SGCZ: variants seen among roughly 807,000 people sequenced by gnomAD.
SGCZ encodes the protein zeta-sarcoglycan.
In SGCZ, 40 loss-of-function variants were observed where a neutral mutation model predicts 41.3. That is an observed-to-expected ratio of 0.97 (90% confidence interval 0.75 to 1.26). The LOEUF (loss-of-function observed/expected upper bound fraction) is 1.26, where lower values mean the gene tolerates loss of function less well. Among genes scored for constraint, SGCZ ranks in the 50% most tolerant of loss-of-function variants. SGCZ has a pLI of 0.00. For missense variants in SGCZ, 552 were observed against 369.8 expected (o/e 1.49, Z -4.04); for synonymous variants, 206 against 137.5 (o/e 1.50, Z -3.49).
chr8:14,928,276 C>T (rs1799820664), intron 1 of SGCZ, among the ~76,000 whole-genome samples: 3 of 152,106 alleles, frequency 2.0e-5, no homozygotes, highest in African/African-American at 7.2e-5. Flanking sequence ...TAGTTATGAT[C>T]ATACGCCATG....
intron 1 of SGCZ, among the ~76,000 whole-genome samples, chr8:14,697,988 G>C (rs1362973203): frequency 1.3e-5 from 2 of 151,870 alleles, no homozygotes; most frequent in Non-Finnish European, 2.9e-5. Flanking sequence ...TGAACGTTTA[G>C]TCTGCTTCCA....
chr8:15,237,504 G>T (rs924885349), intron 1 of SGCZ, 81 bp downstream of exon 1: 4 of 1,502,840 alleles, frequency 2.7e-6, no homozygotes, highest in East Asian at 4.8e-5. Flanking sequence ...ACTCCGCGCC[G>T]CTGGAGGAGC....
chr8:14,128,264 A>G (rs2117051061), intron 5 of SGCZ, among the ~76,000 whole-genome samples: 1 of 152,352 alleles, frequency 6.6e-6, no homozygotes, highest in South Asian at 2.1e-4. Context: ...AGCCATTTGA[A>G]AACCATTTTT....
At chr8:14,196,210 TG>T (rs1805262018) in intron 4 of SGCZ, among the ~76,000 whole-genome samples, 2 of 151,836 alleles carry the variant, frequency 1.3e-5, no homozygotes, top group Admixed American at 1.3e-4. Flanking sequence ...AGTAAAATAA[TG>T]AAGCAACTAA....
At chr8:14,402,849 G>A (rs1039334138) in intron 2 of SGCZ, among the ~76,000 whole-genome samples, 29 of 149,426 alleles carry the variant, frequency 1.9e-4, no homozygotes, top group Non-Finnish European at 4.0e-4. Context: ...GCTTGATGGG[G>A]ATGGCATTGA....
At chr8:14,180,333 G>A (rs1431117966) in intron 4 of SGCZ, among the ~76,000 whole-genome samples, 1 of 152,122 alleles carries the variant, frequency 6.6e-6, no homozygotes, top group African/African-American at 2.4e-5. Context: ...TTCAAGCACT[G>A]CAGGAAGTGC....
At chr8:14,891,496 G>A (rs1805018474) in intron 1 of SGCZ, among the ~76,000 whole-genome samples, 1 of 152,136 alleles carries the variant, frequency 6.6e-6, no homozygotes, top group South Asian at 2.1e-4. Flanking sequence ...AAAACATTAG[G>A]ATAATGAGTT....
intron 4 of SGCZ, among the ~76,000 whole-genome samples, chr8:14,186,260 G>A (rs1468131186): frequency 3.9e-5 from 6 of 152,228 alleles, no homozygotes; most frequent in African/African-American, 7.2e-5. Context: ...CATGCAGCAA[G>A]TGAAGAAATA....
chr8:14,706,400 A>G (rs1196421487), intron 1 of SGCZ, among the ~76,000 whole-genome samples: 1 of 152,086 alleles, frequency 6.6e-6, no homozygotes, highest in Non-Finnish European at 1.5e-5. Flanking sequence ...ATTCAATTTC[A>G]CTTAAGGATG....
chr8:15,166,706 ATT>A (rs1260870222), intron 1 of SGCZ, among the ~76,000 whole-genome samples: 1 of 152,220 alleles, frequency 6.6e-6, no homozygotes, highest in East Asian at 1.9e-4. Flanking sequence ...AACCAAACTT[ATT>A]TGTCAATTGT....
intron 5 of SGCZ, among the ~76,000 whole-genome samples, chr8:14,161,794 T>G (rs766776973): frequency 1.6e-4 from 24 of 152,058 alleles, no homozygotes; most frequent in Non-Finnish European, 2.4e-4. Flanking sequence ...GTGCATATAT[T>G]TGAGACAGAG....
chr8:14,328,102 A>G (rs1049104293), intron 2 of SGCZ, among the ~76,000 whole-genome samples: 1 of 152,162 alleles, frequency 6.6e-6, no homozygotes, highest in South Asian at 2.1e-4. Flanking sequence ...GGTTTTCCAT[A>G]TTACCTAGAT....
chr8:14,218,315 A>C (rs555683108), intron 4 of SGCZ, among the ~76,000 whole-genome samples: 1 of 152,334 alleles, frequency 6.6e-6, no homozygotes, highest in South Asian at 2.1e-4. Flanking sequence ...AAATGTTAAA[A>C]GGTATACCAG....
chr8:14,487,780 T>C (rs1213451393), intron 2 of SGCZ: 1 of 151,844 alleles, frequency 6.6e-6, no homozygotes, highest in Non-Finnish European at 1.5e-5. Context: ...AAAACAGAGA[T>C]TGTGTCACAA....
chr8:14,746,058 G>T (rs917537770), intron 1 of SGCZ, among the ~76,000 whole-genome samples: 1 of 151,778 alleles, frequency 6.6e-6, no homozygotes, highest in Admixed American at 6.6e-5. Flanking sequence ...TATATATTTA[G>T]AAATTATTTT....
rs575861554 is a variant in SGCZ, at chr8:14,087,404, G to A, written c.*3039C>T. Reference sequence around the variant, plus strand: ...TTGTGATCCCCCAAACCTGAATTCAGATACATCTCGGTTTATCCATTCCTG... The same window carrying A: ...TTGTGATCCCCCAAACCTGAATTCAAATACATCTCGGTTTATCCATTCCTG... On this transcript the variant is annotated 3_prime_UTR_variant, in exon 8 of 8. Transcript: ENST00000382080. Among the ~76,000 whole-genome samples, 15 of 151,624 alleles carry A rather than the reference G, an allele frequency of 9.9e-5. No homozygotes were observed. The highest frequency in any genetic ancestry group is 3.6e-4 in the African/African-American group (15 of 41,482).
intron 4 of SGCZ, among the ~76,000 whole-genome samples, chr8:14,177,841 T>C (rs1056321155): frequency 2.0e-5 from 3 of 151,540 alleles, no homozygotes; most frequent in Non-Finnish European, 4.4e-5. Context: ...TCCTTTTCTA[T>C]CTGCTTTGAA....
intron 1 of SGCZ, among the ~76,000 whole-genome samples, chr8:14,607,066 A>G (rs1805774164): frequency 6.6e-6 from 1 of 152,264 alleles, no homozygotes; most frequent in East Asian, 1.9e-4. Context: ...GATTTAAACA[A>G]TGGCTCATCT....
chr8:14,714,335 A>T (rs1257740366), intron 1 of SGCZ, among the ~76,000 whole-genome samples: 1 of 152,184 alleles, frequency 6.6e-6, no homozygotes, highest in South Asian at 2.1e-4. Flanking sequence ...GAAGTTAAAA[A>T]AAGTAACAGT....
Sources: allele counts gnomAD v4.1 joint callset (sites outside exome capture counted in the v4.1 genomes callset), GRCh38; gene constraint gnomAD v4.1.1; transcripts MANE v1.5; gene names NCBI Gene and HGNC (gene_info 2026-07-23, HGNC 2026-07-21).